SYT16: variants seen among roughly 807,000 people sequenced by gnomAD.
SYT16 encodes synaptotagmin 16, also known as synaptotagmin-16.
In SYT16, 42 loss-of-function variants were observed where a neutral mutation model predicts 61.4. That is an observed-to-expected ratio of 0.68 (90% CI 0.53 to 0.89). SYT16 has a LOEUF of 0.89. Among genes scored for constraint, SYT16 ranks in the 40% least tolerant of loss-of-function variants. The probability of loss-of-function intolerance (pLI) is 0.00; values close to 1 mark genes in which losing one functional copy is unlikely to be tolerated. For missense variants in SYT16, 804 were observed against 807.3 expected (o/e 1.00, Z 0.05); for synonymous variants, 314 against 302.3 (o/e 1.04, Z -0.40).
chr14:61,874,054 G>A (rs1422816003), intron 1 of SYT16, among the ~76,000 whole-genome samples: 3 of 152,184 alleles, frequency 2.0e-5, no homozygotes, highest in Admixed American at 6.6e-5. Context: ...TCAGAAAAAT[G>A]TGATGACCAA....
chr14:61,924,711 TCA>T (rs2049465603), intron 1 of SYT16, among the ~76,000 whole-genome samples: 1 of 152,190 alleles, frequency 6.6e-6, no homozygotes, highest in Admixed American at 6.5e-5. Flanking sequence ...GAAATATTCC[TCA>T]GTTTCTTATT....
chr14:61,885,739 G>A (rs376821814), intron 1 of SYT16, among the ~76,000 whole-genome samples: 9 of 152,252 alleles, frequency 5.9e-5, no homozygotes, highest in East Asian at 1.9e-4. Context: ...TTCTCAGTGC[G>A]TATAAAAGTT....
intron 3 of SYT16, among the ~76,000 whole-genome samples, chr14:62,039,871 A>G (rs975961542): frequency 1.4e-5 from 2 of 143,948 alleles, no homozygotes; most frequent in African/African-American, 5.3e-5. Flanking sequence ...ACACACACAC[A>G]CACACACGCA....
intron 2 of SYT16, among the ~76,000 whole-genome samples, chr14:61,984,085 C>CTTGACTG (rs1342096182): frequency 6.6e-6 from 1 of 152,076 alleles, no homozygotes; most frequent in African/African-American, 2.4e-5. Context: ...TATGGTGAAG[C>CTTGACTG]TTTCAATATT....
intron 1 of SYT16, among the ~76,000 whole-genome samples, chr14:61,835,676 TTTC>T (rs1251418195): frequency 2.6e-5 from 4 of 152,160 alleles, no homozygotes; most frequent in African/African-American, 9.7e-5. Context: ...TTTACACTGT[TTTC>T]TTCTTCTGGG....
intron 3 of SYT16, among the ~76,000 whole-genome samples, chr14:62,000,930 C>G (rs2052988702): frequency 6.6e-6 from 1 of 151,926 alleles, no homozygotes; most frequent in African/African-American, 2.4e-5. Flanking sequence ...TTGGTTATCT[C>G]TTAGAATGGT....
chr14:61,872,976 T>G (rs192019775), intron 1 of SYT16, among the ~76,000 whole-genome samples: 77 of 152,348 alleles, frequency 5.1e-4, no homozygotes, highest in African/African-American at 1.8e-3. Flanking sequence ...AGACTCATAT[T>G]AAAACGTTGT....
In SYT16 at chr14:61,898,509, C is replaced by T. The variant is rs2048403726; in HGVS notation, c.-324-71623C>T. ...TGAGGTTTAGGGAGTTGTCAGATCT[C>T]ATGGAGGAAATCCCGGGGCCATGAT... On this transcript the variant is annotated intron_variant, in intron 1 of 7. Transcript: ENST00000683842. Among the ~76,000 whole-genome samples the T allele has an allele frequency of 1.3e-5, 2 of 152,128 alleles. 1 individual carries two copies. Among genetic ancestry groups the T allele is most frequent in the Admixed American group, 1.3e-4 (2 of 15,266 alleles).
At chr14:62,002,234 G>A (rs1428772025) in intron 3 of SYT16, among the ~76,000 whole-genome samples, 2 of 152,162 alleles carry the variant, frequency 1.3e-5, no homozygotes, top group South Asian at 2.1e-4. Context: ...TAGTGTGAGG[G>A]GGTTGAGTCA....
At chr14:62,003,444 A>T (rs76624435) in intron 3 of SYT16, among the ~76,000 whole-genome samples, 1,721 of 151,924 alleles carry the variant, frequency 0.011, 34 homozygotes, top group African/African-American at 0.039. Context: ...ACCAGCTTGT[A>T]TGAATCTAGT....
At chr14:61,999,175 T>C (rs2052889887) in intron 3 of SYT16, among the ~76,000 whole-genome samples, 2 of 151,868 alleles carry the variant, frequency 1.3e-5, no homozygotes, top group Admixed American at 1.3e-4. Context: ...TTTCCTTTCC[T>C]ATAAACTAGA....
intron 1 of SYT16, among the ~76,000 whole-genome samples, chr14:61,861,723 C>T (rs2046971027): frequency 6.6e-6 from 1 of 151,520 alleles, no homozygotes; most frequent in Non-Finnish European, 1.5e-5. Context: ...AGAATTCTTA[C>T]ATAGGCATAT....
intron 1 of SYT16, among the ~76,000 whole-genome samples, chr14:61,884,485 A>G (rs932808190): frequency 2.0e-5 from 3 of 152,234 alleles, no homozygotes; most frequent in African/African-American, 7.2e-5. Flanking sequence ...CATATATCCT[A>G]CAATGAAAAA....
intron 1 of SYT16, among the ~76,000 whole-genome samples, chr14:61,869,602 C>T (rs2047266006): frequency 1.3e-5 from 2 of 152,180 alleles, no homozygotes. Context: ...ATACACCCAA[C>T]TGCTGTGGAC....
intron 3 of SYT16, among the ~76,000 whole-genome samples, chr14:62,039,254 C>T (rs374787044): frequency 5.9e-5 from 9 of 152,306 alleles, no homozygotes; most frequent in South Asian, 2.1e-4. Context: ...GCAGACCCTG[C>T]AGCTGCAGGG....
intron 1 of SYT16, among the ~76,000 whole-genome samples, chr14:61,838,202 A>C (rs927702288): frequency 1.3e-5 from 2 of 152,142 alleles, no homozygotes; most frequent in African/African-American, 2.4e-5. Flanking sequence ...TCTATATTGA[A>C]TTAACTACCT....
intron 1 of SYT16, among the ~76,000 whole-genome samples, chr14:61,932,675 A>G (rs2049821473): frequency 6.6e-6 from 1 of 152,218 alleles, no homozygotes; most frequent in Non-Finnish European, 1.5e-5. Flanking sequence ...ACACAGAGCC[A>G]AACCATATCA....
At chr14:61,827,443 C>T (rs1452995851) in intron 1 of SYT16, among the ~76,000 whole-genome samples, 1 of 152,054 alleles carries the variant, frequency 6.6e-6, no homozygotes, top group Non-Finnish European at 1.5e-5. Flanking sequence ...ACTGTTTCTC[C>T]CTTGCTCTTT....
chr14:62,023,815 T>TTAAA, intron 3 of SYT16, among the ~76,000 whole-genome samples: 1 of 152,184 alleles, frequency 6.6e-6, no homozygotes, highest in Admixed American at 6.5e-5. Flanking sequence ...TTTAATCGTG[T>TTAAA]AGTCTTGCTA....
Sources: allele counts gnomAD v4.1 joint callset (sites outside exome capture counted in the v4.1 genomes callset), GRCh38; gene constraint gnomAD v4.1.1; transcripts MANE v1.5; gene names NCBI Gene and HGNC (gene_info 2026-07-23, HGNC 2026-07-21).